The following LRMDA variants were observed in gnomAD, a reference collection of about 807,000 sequenced individuals.
LRMDA encodes leucine rich melanocyte differentiation associated, also known as leucine-rich melanocyte differentiation-associated protein.
In LRMDA, 18 loss-of-function variants were observed where a neutral mutation model predicts 29.8. That is an observed-to-expected ratio of 0.60 (90% CI 0.42 to 0.90). The LOEUF is 0.90. Among genes scored for constraint, LRMDA ranks in the 40% least tolerant of loss-of-function variants. The probability of loss-of-function intolerance (pLI) is 0.00; values close to 1 mark genes in which losing one functional copy is unlikely to be tolerated. For synonymous variants in LRMDA, 125 were observed against 109.4 expected (o/e 1.14, Z -0.89); for missense variants, 273 against 273.9 (o/e 1.00, Z 0.02).
At chr10:76,368,145 G>C (rs1841413130) in intron 6 of LRMDA, among the ~76,000 whole-genome samples, 2 of 152,030 alleles carry the variant, frequency 1.3e-5, no homozygotes, top group Admixed American at 1.3e-4. Flanking sequence ...GCTGGATTTG[G>C]ATTTGGTTTG....
intron 2 of LRMDA, among the ~76,000 whole-genome samples, chr10:75,946,805 G>A (rs1031473506): frequency 6.6e-6 from 1 of 151,974 alleles, no homozygotes; most frequent in Middle Eastern, 3.2e-3. Flanking sequence ...TCGTGTTCTC[G>A]GCCACTCACC....
chr10:75,773,957 G>T (rs1843275896), intron 2 of LRMDA, among the ~76,000 whole-genome samples: 1 of 152,118 alleles, frequency 6.6e-6, no homozygotes, highest in Middle Eastern at 3.2e-3. Context: ...TTCCTTTAAG[G>T]CTTAGTCTGT....
intron 5 of LRMDA, among the ~76,000 whole-genome samples, chr10:76,110,746 C>T (rs911964711): frequency 1.3e-5 from 2 of 152,198 alleles, no homozygotes; most frequent in African/African-American, 2.4e-5. Context: ...TGCCTCCCAC[C>T]ATGATTCTGA....
At chr10:75,516,830 T>C (rs1182263363) in intron 2 of LRMDA, among the ~76,000 whole-genome samples, 1 of 152,166 alleles carries the variant, frequency 6.6e-6, no homozygotes, top group African/African-American at 2.4e-5. Flanking sequence ...TTTATGGTTT[T>C]AGGTCTAACA....
chr10:76,309,306 G>A (rs941801229), intron 5 of LRMDA, among the ~76,000 whole-genome samples: 3 of 152,150 alleles, frequency 2.0e-5, no homozygotes, highest in Non-Finnish European at 4.4e-5. Flanking sequence ...TCAGTCAGGA[G>A]CCAGTGTCCA....
chr10:76,487,231 A>G (rs1329643993), intron 6 of LRMDA, among the ~76,000 whole-genome samples: 1 of 151,904 alleles, frequency 6.6e-6, no homozygotes, highest in African/African-American at 2.4e-5. Flanking sequence ...TGTACACACT[A>G]AAGATTTAAG....
intron 5 of LRMDA, among the ~76,000 whole-genome samples, chr10:76,211,850 T>C (rs1175477815): frequency 6.6e-6 from 1 of 152,216 alleles, no homozygotes; most frequent in East Asian, 1.9e-4. Context: ...GTCTTCAGAG[T>C]CTCACAAATA....
rs1028541635 is a variant in LRMDA, at chr10:75,431,707, C to G, written c.-18C>G. 2.3e-6 allele frequency: 3 copies of G among 1,317,640 alleles called. No individual in the cohort carries two copies. In the African/African-American group the frequency reaches 4.6e-5, roughly 20 times the overall value. 81.6% of individuals were successfully genotyped at this position (1,317,640 alleles called of 1,614,324 possible). A position where few individuals can be genotyped will look rare whatever the true frequency, so the allele number is the denominator to read the frequency against. On this transcript the variant is annotated 5_prime_UTR_variant, in exon 1 of 7. Transcript: ENST00000611255. ...GCCCCCGCGCTCCGTCCCGCGCGCC[C>G]GCAGCGTCCTGGCCGCCATGGCCGG... is the stretch of plus-strand genomic sequence containing the variant.
At chr10:75,587,760 A>G (rs948708036) in intron 2 of LRMDA, among the ~76,000 whole-genome samples, 5 of 152,236 alleles carry the variant, frequency 3.3e-5, no homozygotes, top group African/African-American at 1.2e-4. Context: ...GCCCCAATCT[A>G]ACGTGATAGA....
intron 2 of LRMDA, among the ~76,000 whole-genome samples, chr10:75,727,104 C>T (rs1174557894): frequency 6.6e-6 from 1 of 152,178 alleles, no homozygotes. Flanking sequence ...TGGCTTTCCT[C>T]CCTTGAATAA....
chr10:76,389,542 C>G (rs1841698691), intron 6 of LRMDA, among the ~76,000 whole-genome samples: 1 of 152,188 alleles, frequency 6.6e-6, no homozygotes, highest in Non-Finnish European at 1.5e-5. Flanking sequence ...TAAGTACCTT[C>G]ACATTGTGGT....
rs779169360 is a variant in LRMDA, at chr10:76,557,231, C to T, written c.624C>T (p.Tyr208=). 4.2e-5 allele frequency: 68 copies of T among 1,613,920 alleles called. No homozygotes were observed. Among genetic ancestry groups the T allele is most frequent in the African/African-American group, 1.9e-4 (14 of 74,874 alleles). The stretch of plus-strand genomic sequence containing the variant: ...CAGGTGTCCTGGGGAAGTGTCGCTA[C>T]GTTTACTATGGGAAAAACTCAGAGG... ...SHQGVLGKCR[Y]VYYGKNSEGN... Residue 208 remains tyrosine, a synonymous_variant, in exon 7 of 7, where the codon TAC becomes TAT. Coordinates refer to ENST00000611255, the MANE Select transcript of LRMDA (RefSeq NM_001305581.2).
At chr10:75,964,015 A>G (rs2132431814) in intron 2 of LRMDA, among the ~76,000 whole-genome samples, 1 of 152,176 alleles carries the variant, frequency 6.6e-6, no homozygotes, top group Middle Eastern at 3.4e-3. Context: ...ACCACATTTT[A>G]TTAATGTGAT....
chr10:75,858,846 A>C (rs536473531), intron 2 of LRMDA, among the ~76,000 whole-genome samples: 1 of 152,250 alleles, frequency 6.6e-6, no homozygotes, highest in South Asian at 2.1e-4. Context: ...TCTACCCCTA[A>C]TCTCTTCCCC....
intron 2 of LRMDA, among the ~76,000 whole-genome samples, chr10:75,630,146 G>A (rs1381784130): frequency 1.3e-5 from 2 of 152,138 alleles, no homozygotes; most frequent in African/African-American, 2.4e-5. Context: ...ATCCCTTCTC[G>A]TGGAGTTGGC....
At chr10:76,357,329 A>G (rs1841253972) in intron 6 of LRMDA, among the ~76,000 whole-genome samples, 1 of 152,176 alleles carries the variant, frequency 6.6e-6, no homozygotes, top group Admixed American at 6.6e-5. Context: ...GGGTTTAAAG[A>G]TGAGAAAGTA....
intron 2 of LRMDA, among the ~76,000 whole-genome samples, chr10:76,012,143 G>A (rs912199404): frequency 2.0e-5 from 3 of 152,230 alleles, no homozygotes; most frequent in African/African-American, 7.2e-5. Flanking sequence ...GCGCAGTTAA[G>A]TAAAGTCCTG....
At chr10:75,644,988 CTT>C (rs139813398) in intron 2 of LRMDA, among the ~76,000 whole-genome samples, 2,708 of 143,680 alleles carry the variant, frequency 0.019, 68 homozygotes, top group African/African-American at 0.055. Flanking sequence ...TTATTTTACT[CTT>C]TTTTTTTTTT....
chr10:76,161,106 A>G (rs1056606852), intron 5 of LRMDA, among the ~76,000 whole-genome samples: 1 of 152,210 alleles, frequency 6.6e-6, no homozygotes, highest in Non-Finnish European at 1.5e-5. Flanking sequence ...GGGAAACAAG[A>G]CAACACTCTC....
Sources: allele counts gnomAD v4.1 joint callset (sites outside exome capture counted in the v4.1 genomes callset), GRCh38; gene constraint gnomAD v4.1.1; transcripts MANE v1.5; gene names NCBI Gene and HGNC (gene_info 2026-07-23, HGNC 2026-07-21).